The following CDH18 variants were observed in gnomAD, a reference collection of about 807,000 sequenced individuals.
CDH18 encodes cadherin-18.
In CDH18, 31 loss-of-function variants were observed where a neutral mutation model predicts 67.9. That is an observed-to-expected ratio of 0.46 (90% CI 0.34 to 0.62). The LOEUF (loss-of-function observed/expected upper bound fraction) is 0.62. Among genes scored for constraint, CDH18 ranks in the 20% least tolerant of loss-of-function variants. The pLI is 0.01. For missense variants in CDH18, 890 were observed against 975.5 expected (o/e 0.91, Z 1.17); for synonymous variants, 362 against 347.2 (o/e 1.04, Z -0.48).
Position 20,546,630 on chromosome 5 carries a change from G to T in CDH18, c.-580+28832C>A, listed in dbSNP as rs549263146. Among the ~76,000 whole-genome samples the T allele has an allele frequency of 2.0e-5, 3 of 152,200 alleles. No individual in the cohort carries two copies. The East Asian group carries it at 5.8e-4, about 30-fold the overall frequency. On this transcript the variant is annotated intron_variant, in intron 1 of 14. Transcript: ENST00000507958. ...TCACTATCACAATAATAACATGGGA[G>T]AAACCACTCCCAGGATCCAATTACA...
At chr5:20,291,998 T>C (rs1280341707) in intron 1 of CDH18, among the ~76,000 whole-genome samples, 1 of 152,130 alleles carries the variant, frequency 6.6e-6, no homozygotes, top group Non-Finnish European at 1.5e-5. Flanking sequence ...TGTCATCATG[T>C]CCAATTTTGT....
chr5:19,545,810 G>A (rs1736217470), intron 8 of CDH18, among the ~76,000 whole-genome samples: 1 of 152,156 alleles, frequency 6.6e-6, no homozygotes. Flanking sequence ...TCAAATATGG[G>A]TATGGAATTC....
intron 1 of CDH18, among the ~76,000 whole-genome samples, chr5:20,281,767 G>C (rs901471677): frequency 2.0e-5 from 3 of 152,128 alleles, no homozygotes; most frequent in African/African-American, 7.2e-5. Context: ...TAGGTAGTTT[G>C]ATGGGGATGG....
chr5:19,569,904 T>TA (rs1741079219), intron 8 of CDH18, among the ~76,000 whole-genome samples: 3 of 151,852 alleles, frequency 2.0e-5, no homozygotes, highest in Admixed American at 2.0e-4. Context: ...TTTGTATTAA[T>TA]AAAAAATAAA....
rs183176007 is a variant in CDH18 at position 20,237,017 on chromosome 5, G to C, written c.-518+18427C>G. ...AAGATAGCTTATTTCAGGAATGCAA[G>C]CTAGATTTCTCACAGAAAAAAATCA... is the stretch of plus-strand genomic sequence containing the variant. On this transcript the variant is annotated intron_variant, in intron 2 of 14. Coordinates refer to the CDH18 transcript ENST00000507958. Among the ~76,000 whole-genome samples, 54 of 152,008 alleles carry C rather than the reference G, an allele frequency of 3.6e-4. 1 individual carries two copies. The highest frequency in any genetic ancestry group is 5.5e-4 in the Non-Finnish European group (37 of 67,848).
intron 1 of CDH18, among the ~76,000 whole-genome samples, chr5:20,548,915 T>C (rs1035403147): frequency 6.6e-6 from 1 of 152,178 alleles, no homozygotes; most frequent in Non-Finnish European, 1.5e-5. Context: ...TACAATGTGT[T>C]CGATTCACAG....
chr5:19,580,200 T>G (rs1743012075), intron 7 of CDH18, among the ~76,000 whole-genome samples: 1 of 151,900 alleles, frequency 6.6e-6, no homozygotes, highest in South Asian at 2.1e-4. Context: ...TGGATATAAA[T>G]CCTTTGGCTG....
chr5:19,596,597 G>A (rs896673596), intron 6 of CDH18, among the ~76,000 whole-genome samples: 18 of 152,118 alleles, frequency 1.2e-4, no homozygotes, highest in Admixed American at 3.3e-4. Flanking sequence ...TGATGATAGC[G>A]TTATAAAGAA....
At chr5:20,488,381 G>A (rs558641001) in intron 1 of CDH18, among the ~76,000 whole-genome samples, 1 of 152,140 alleles carries the variant, frequency 6.6e-6, no homozygotes, top group Non-Finnish European at 1.5e-5. Context: ...AGGTGAGTCA[G>A]TCTTTCACTG....
At chr5:20,114,174 G>A (rs1747705430) in intron 2 of CDH18, among the ~76,000 whole-genome samples, 1 of 152,196 alleles carries the variant, frequency 6.6e-6, no homozygotes, top group South Asian at 2.1e-4. Context: ...GAGAGTTGAA[G>A]TTACATTAGA....
intron 1 of CDH18, among the ~76,000 whole-genome samples, chr5:20,458,106 C>T (rs1360828669): frequency 6.6e-6 from 1 of 151,824 alleles, no homozygotes; most frequent in Non-Finnish European, 1.5e-5. Flanking sequence ...TTTTGTTTTG[C>T]TTTTTTGTTT....
At chr5:20,154,148 C>G (rs1053219104) in intron 2 of CDH18, among the ~76,000 whole-genome samples, 1 of 152,120 alleles carries the variant, frequency 6.6e-6, no homozygotes, top group Non-Finnish European at 1.5e-5. Context: ...GGCTTTCTCT[C>G]TATGGTTAAT....
chr5:20,174,427 G>T (rs1737070719), intron 2 of CDH18, among the ~76,000 whole-genome samples: 1 of 152,142 alleles, frequency 6.6e-6, no homozygotes, highest in Non-Finnish European at 1.5e-5. Flanking sequence ...TTTATGTGCT[G>T]CAGCAGAAGA....
At chr5:19,898,553 A>G (rs7731234) in intron 2 of CDH18, among the ~76,000 whole-genome samples, 3,255 of 152,168 alleles carry the variant, frequency 0.021, 120 homozygotes, top group African/African-American at 0.075. Context: ...TTTTAAAAAA[A>G]GGGTATGTCC....
rs140480250 is a variant in CDH18 at position 20,030,334 on chromosome 5, G to A, written c.-517-38320C>T. On this transcript the variant is annotated intron_variant, in intron 2 of 14. Transcript: ENST00000507958. ...TATATAGTGTTTAGCCTAAGGCTAT[G>A]TTCATAGAAACACATGGACAAGAAT... 7.9e-5 allele frequency among the ~76,000 whole-genome samples: 12 copies of A among 152,292 alleles called. No homozygotes were observed. In the East Asian group the frequency reaches 2.3e-3, roughly 29 times the overall value.
chr5:20,027,011 TA>T (rs1003820184), intron 2 of CDH18, among the ~76,000 whole-genome samples: 1 of 150,914 alleles, frequency 6.6e-6, no homozygotes, highest in Non-Finnish European at 1.5e-5. Flanking sequence ...GAAATAAACA[TA>T]AAAAAATAAA....
intron 2 of CDH18, among the ~76,000 whole-genome samples, chr5:20,248,160 T>G (rs1304072720): frequency 1.3e-5 from 2 of 152,164 alleles, no homozygotes; most frequent in African/African-American, 4.8e-5. Flanking sequence ...AATTGAAGAT[T>G]TTGTTAAGAC....
chr5:20,351,404 AGCT>A (rs1741176237), intron 1 of CDH18, among the ~76,000 whole-genome samples: 1 of 152,150 alleles, frequency 6.6e-6, no homozygotes, highest in Admixed American at 6.5e-5. Flanking sequence ...CATTAACAGC[AGCT>A]GTCATTTATT....
Position 19,500,049 on chromosome 5 carries a change from C to T in CDH18, c.1630+2943G>A, listed in dbSNP as rs1294061272. ...AAATGTCAGTTAACTTACATAGGCACAGAAAATGATAAATTTTCTTCTAGC... is the reference window on the plus strand; with the variant it reads ...AAATGTCAGTTAACTTACATAGGCATAGAAAATGATAAATTTTCTTCTAGC... On this transcript the variant is annotated intron_variant, in intron 11 of 12. Transcript: ENST00000382275. 1.5e-4 allele frequency among the ~76,000 whole-genome samples: 23 copies of T among 150,702 alleles called. No individual in the cohort carries two copies. In the Admixed American group the frequency reaches 1.5e-3, roughly 10 times the overall value.
Sources: gnomAD v4.1 joint callset for allele counts (sites outside exome capture counted in the v4.1 genomes callset) on GRCh38, gnomAD v4.1.1 for gene constraint, MANE v1.5 for transcripts, NCBI Gene and HGNC (gene_info 2026-07-23, HGNC 2026-07-21) for gene names.